SMYD3: variants seen among roughly 807,000 people sequenced by gnomAD.
The protein encoded by SMYD3 is SET and MYND domain containing 3, also known as histone-lysine N-methyltransferase SMYD3.
A neutral mutation model predicts 57.7 loss-of-function variants in SMYD3; 36 were observed. That is an observed-to-expected ratio of 0.62 (90% CI 0.48 to 0.82). The LOEUF is 0.82. Ranked by LOEUF, SMYD3 falls within the 40% of genes least tolerant of loss-of-function variation. The pLI is 0.00. For synonymous variants in SMYD3, 211 were observed against 195.0 expected, an observed-to-expected ratio of 1.08 and a Z score of -0.68; for missense variants, 515 against 538.8, an observed-to-expected ratio of 0.96 and a Z score of 0.44.
intron 11 of SMYD3, among the ~76,000 whole-genome samples, chr1:245,762,607 C>G (rs1256567147): frequency 5.3e-5 from 8 of 152,192 alleles, no homozygotes; most frequent in African/African-American, 2.4e-5. Context: ...ATAAAAAGAA[C>G]AGAATAGCTG....
At chr1:245,980,664 G>T (rs1048107608) in intron 5 of SMYD3, among the ~76,000 whole-genome samples, 1 of 152,210 alleles carries the variant, frequency 6.6e-6, no homozygotes, top group East Asian at 1.9e-4. Flanking sequence ...TCAAGAACAT[G>T]ACAAATGCAG....
At chr1:245,994,404 G>A (rs901713445) in intron 5 of SMYD3, among the ~76,000 whole-genome samples, 6 of 152,324 alleles carry the variant, frequency 3.9e-5, no homozygotes, top group South Asian at 2.1e-4. Context: ...AAGGACACAC[G>A]ATGAGAGGCC....
chr1:246,413,054 C>T (rs2067003333), intron 1 of SMYD3, among the ~76,000 whole-genome samples: 1 of 152,160 alleles, frequency 6.6e-6, no homozygotes, highest in Non-Finnish European at 1.5e-5. Flanking sequence ...CACCCTCACC[C>T]TCAACCAGTG....
At chr1:245,834,402 G>A (rs910442656) in intron 10 of SMYD3, among the ~76,000 whole-genome samples, 1 of 152,192 alleles carries the variant, frequency 6.6e-6, no homozygotes, top group Admixed American at 6.5e-5. Flanking sequence ...CGAACACTGA[G>A]TTCCAAAATC....
At chr1:245,878,714 C>T (rs185305205) in intron 8 of SMYD3, among the ~76,000 whole-genome samples, 5 of 152,284 alleles carry the variant, frequency 3.3e-5, no homozygotes, top group East Asian at 3.9e-4. Context: ...CCAGAAGCAG[C>T]CCCAGCACCT....
intron 2 of SMYD3, among the ~76,000 whole-genome samples, chr1:246,338,261 A>G (rs1257183438): frequency 2.6e-5 from 4 of 152,218 alleles, no homozygotes. Flanking sequence ...AAGGGTTACG[A>G]ATACAAGCAT....
chr1:246,212,310 A>G (rs1002050758), intron 5 of SMYD3, among the ~76,000 whole-genome samples: 1 of 152,154 alleles, frequency 6.6e-6, no homozygotes, highest in African/African-American at 2.4e-5. Flanking sequence ...TAAATACTAA[A>G]ATGTTCAATA....
intron 1 of SMYD3, among the ~76,000 whole-genome samples, chr1:246,490,441 A>G (rs950142320): frequency 6.6e-6 from 1 of 152,242 alleles, no homozygotes; most frequent in South Asian, 2.1e-4. Flanking sequence ...TTAGCAATGA[A>G]CTAGGGTCTT....
chr1:246,252,338 A>T (rs1463229170), intron 5 of SMYD3, among the ~76,000 whole-genome samples: 1 of 152,242 alleles, frequency 6.6e-6, no homozygotes, highest in Admixed American at 6.5e-5. Context: ...AATAAAAGAT[A>T]ACACAGTGTT....
chr1:245,789,716 C>T (rs1182891801), intron 10 of SMYD3, among the ~76,000 whole-genome samples: 2 of 152,222 alleles, frequency 1.3e-5, no homozygotes, highest in African/African-American at 2.4e-5. Flanking sequence ...ACACGAATAG[C>T]TGACTTCTTT....
chr1:245,870,746 C>T (rs776687055), intron 8 of SMYD3, among the ~76,000 whole-genome samples: 4 of 152,206 alleles, frequency 2.6e-5, no homozygotes, highest in Non-Finnish European at 5.9e-5. Context: ...AATTACAAAG[C>T]TACGTTTCTT....
intron 10 of SMYD3, among the ~76,000 whole-genome samples, chr1:245,849,863 G>A (rs2050870656): frequency 6.6e-6 from 1 of 152,082 alleles, no homozygotes; most frequent in Non-Finnish European, 1.5e-5. Context: ...ATGTTGCCCA[G>A]GCTGGTCTTG....
intron 10 of SMYD3, among the ~76,000 whole-genome samples, chr1:245,839,210 C>T (rs2148411975): frequency 6.6e-6 from 1 of 152,264 alleles, no homozygotes; most frequent in South Asian, 2.1e-4. Context: ...CGCTCTTTCG[C>T]CCAGGCCGGA....
rs1300269351 is a variant in SMYD3, at chr1:245,774,875, A to AT, written c.1077-10727dup. Reference sequence around the variant, plus strand: ...ACCGCCACGCCTGACGGGTTTTCGTATTTTTTTGGTGGAGACGGGGTTTCA... The same window carrying AT: ...ACCGCCACGCCTGACGGGTTTTCGTATTTTTTTTGGTGGAGACGGGGTTTCA... On this transcript the variant is annotated intron_variant, in intron 10 of 11. Coordinates refer to ENST00000490107, the MANE Select transcript of SMYD3 (RefSeq NM_001167740.2). 3.3e-5 allele frequency among the ~76,000 whole-genome samples: 5 copies of AT among 151,932 alleles called. No individual in the cohort carries two copies. The East Asian group carries it at 5.8e-4, about 18-fold the overall frequency.
intron 1 of SMYD3, among the ~76,000 whole-genome samples, chr1:246,389,905 T>C (rs1034409227): frequency 6.6e-6 from 1 of 152,158 alleles, no homozygotes. Flanking sequence ...AGGCTGCTTC[T>C]ACCCTACACT....
At chr1:245,856,479 T>C (rs1268513266) in intron 10 of SMYD3, among the ~76,000 whole-genome samples, 2 of 152,210 alleles carry the variant, frequency 1.3e-5, no homozygotes, top group African/African-American at 4.8e-5. Flanking sequence ...CATGTAAATA[T>C]AACCAAACGT....
At chr1:246,012,740 A>G (rs949312771) in intron 5 of SMYD3, among the ~76,000 whole-genome samples, 1 of 151,052 alleles carries the variant, frequency 6.6e-6, no homozygotes, top group Non-Finnish European at 1.5e-5. Flanking sequence ...CAGAAGGAAA[A>G]TCGACTCCAT....
At chr1:246,301,563 T>G (rs1364032543) in intron 5 of SMYD3, among the ~76,000 whole-genome samples, 2 of 152,170 alleles carry the variant, frequency 1.3e-5, no homozygotes, top group Non-Finnish European at 2.9e-5. Flanking sequence ...ATAAACTGCA[T>G]GCACACATTT....
intron 5 of SMYD3, among the ~76,000 whole-genome samples, chr1:246,147,778 C>T (rs2061875250): frequency 6.6e-6 from 1 of 152,062 alleles, no homozygotes; most frequent in South Asian, 2.1e-4. Context: ...ACCTGGGCTT[C>T]GCGCTCAATC....
Sources: allele counts gnomAD v4.1 joint callset (sites outside exome capture counted in the v4.1 genomes callset), GRCh38; gene constraint gnomAD v4.1.1; transcripts MANE v1.5; gene names NCBI Gene and HGNC (gene_info 2026-07-23, HGNC 2026-07-21).